The following FRMD4A variants were observed in gnomAD, a reference collection of about 807,000 sequenced individuals.
FRMD4A encodes FERM domain containing 4A.
A neutral mutation model predicts 129.1 loss-of-function variants in FRMD4A; 29 were observed. The observed-to-expected ratio is 0.22, with a 90% CI of 0.17 to 0.31. The LOEUF is 0.31. Among genes scored for constraint, FRMD4A ranks in the 10% least tolerant of loss-of-function variants. The pLI is 1.00. For synonymous variants in FRMD4A, 634 were observed against 571.6 expected (o/e 1.11, Z -1.56); for missense variants, 1,272 against 1,375.8 (o/e 0.92, Z 1.19).
At chr10:13,793,463 T>A (rs1204106643) in intron 5 of FRMD4A, among the ~76,000 whole-genome samples, 2 of 152,168 alleles carry the variant, frequency 1.3e-5, no homozygotes, top group Non-Finnish European at 2.9e-5. Flanking sequence ...ATGCCCAGCC[T>A]ACCATGGCCC....
In FRMD4A at chr10:13,858,889, T is replaced by C. The variant is rs1356369978; in HGVS notation, c.69A>G (p.Gln23=). The change falls in exon 3 of 25, where the codon CAA becomes CAG. Residue 23 remains glutamine, a synonymous_variant. Coordinates refer to ENST00000357447, the MANE Select transcript of FRMD4A (RefSeq NM_018027.5). ...GCTTCCTGTCATCAAGAAGATGTAC[T>C]TGACATCGGCGGCCCTCCGTCATCT... ...LLMMTEGRRC[Q]VHLLDDRKLE... The C allele has an allele frequency of 3.7e-6, 6 of 1,605,402 alleles. No individual in the cohort carries two copies. The highest frequency in any genetic ancestry group is 5.1e-6 in the Non-Finnish European group (6 of 1,171,992).
At chr10:14,117,271 T>A (rs922386544) in intron 2 of FRMD4A, among the ~76,000 whole-genome samples, 11 of 152,236 alleles carry the variant, frequency 7.2e-5, no homozygotes. Flanking sequence ...GAGCCTAGCA[T>A]GTGACAGGCA....
intron 2 of FRMD4A, among the ~76,000 whole-genome samples, chr10:13,930,855 C>T (rs529738089): frequency 8.6e-5 from 13 of 151,860 alleles, no homozygotes; most frequent in Non-Finnish European, 1.6e-4. Flanking sequence ...TTTTTTAAGT[C>T]GGTGTCTTGC....
intron 2 of FRMD4A, among the ~76,000 whole-genome samples, chr10:13,987,089 C>T (rs535008883): frequency 5.3e-5 from 8 of 152,202 alleles, no homozygotes; most frequent in South Asian, 2.1e-4. Flanking sequence ...GATCTAGGCT[C>T]GTAGCTCAAC....
At chr10:14,077,129 A>G (rs11258852) in intron 2 of FRMD4A, among the ~76,000 whole-genome samples, 79,407 of 151,996 alleles carry the variant, frequency 0.52, 21,458 homozygotes, top group African/African-American at 0.67. Flanking sequence ...GTGAGGAGAC[A>G]CCAGAAATCC....
chr10:13,799,451 C>T (rs1046709253), intron 4 of FRMD4A, among the ~76,000 whole-genome samples: 1 of 152,238 alleles, frequency 6.6e-6, no homozygotes, highest in Non-Finnish European at 1.5e-5. Context: ...AATGACTGTG[C>T]CCAGCACCAG....
chr10:13,702,012 CAGG>C (rs1289180060), intron 13 of FRMD4A, among the ~76,000 whole-genome samples: 6 of 152,144 alleles, frequency 3.9e-5, no homozygotes, highest in Admixed American at 2.6e-4. Context: ...TATAAAGAAT[CAGG>C]AGAAGAAAGG....
At chr10:13,828,812 G>A (rs143450840) in intron 3 of FRMD4A, among the ~76,000 whole-genome samples, 11 of 152,164 alleles carry the variant, frequency 7.2e-5, no homozygotes, top group Admixed American at 1.3e-4. Context: ...GATTACAGGC[G>A]TGAGCCACTG....
intron 2 of FRMD4A, among the ~76,000 whole-genome samples, chr10:14,304,169 G>A (rs974288567): frequency 3.9e-5 from 6 of 152,144 alleles, no homozygotes; most frequent in South Asian, 4.1e-4. Context: ...TTGCTGGATC[G>A]TATGGTAATT....
chr10:14,127,692 C>T (rs1838922132), intron 2 of FRMD4A, among the ~76,000 whole-genome samples: 3 of 152,156 alleles, frequency 2.0e-5, no homozygotes, highest in African/African-American at 7.2e-5. Flanking sequence ...CTGACTATAT[C>T]CCCACTGAAC....
intron 3 of FRMD4A, among the ~76,000 whole-genome samples, chr10:13,816,305 C>T (rs2093541590): frequency 6.6e-6 from 1 of 152,222 alleles, no homozygotes; most frequent in South Asian, 2.1e-4. Context: ...TAAAGCCACA[C>T]ACATTTTTTC....
chr10:13,681,940 C>T (rs946322779), intron 15 of FRMD4A, among the ~76,000 whole-genome samples: 35 of 152,104 alleles, frequency 2.3e-4, no homozygotes, highest in Non-Finnish European at 3.7e-4. Context: ...AAAAGTGAGG[C>T]TGGGGTGGTG....
chr10:14,084,759 C>T (rs1446048357), intron 2 of FRMD4A, among the ~76,000 whole-genome samples: 1 of 152,302 alleles, frequency 6.6e-6, no homozygotes, highest in Middle Eastern at 3.4e-3. Flanking sequence ...CCAGAGCCCA[C>T]GGGACATATT....
chr10:13,932,421 C>A (rs2095209273), intron 2 of FRMD4A, among the ~76,000 whole-genome samples: 1 of 152,164 alleles, frequency 6.6e-6, no homozygotes. Context: ...TGGACAAACT[C>A]CAGGTTTCCA....
chr10:14,215,986 CT>C (rs1387208753), intron 2 of FRMD4A, among the ~76,000 whole-genome samples: 2 of 152,156 alleles, frequency 1.3e-5, no homozygotes, highest in East Asian at 3.9e-4. Context: ...TTGTTTTCCT[CT>C]TGAAAATCCT....
intron 2 of FRMD4A, among the ~76,000 whole-genome samples, chr10:14,172,528 C>T (rs900615357): frequency 6.6e-6 from 1 of 152,162 alleles, no homozygotes; most frequent in Non-Finnish European, 1.5e-5. Context: ...GAGTTGTACT[C>T]GCGTGAGGTT....
intron 9 of FRMD4A, among the ~76,000 whole-genome samples, chr10:13,745,202 A>C (rs916204577): frequency 2.0e-5 from 3 of 152,222 alleles, no homozygotes; most frequent in Non-Finnish European, 2.9e-5. Flanking sequence ...ATTATGTATC[A>C]ATAAGAATCA....
intron 2 of FRMD4A, among the ~76,000 whole-genome samples, chr10:14,129,895 C>T (rs1839149354): frequency 2.0e-5 from 3 of 152,198 alleles, no homozygotes; most frequent in Non-Finnish European, 4.4e-5. Flanking sequence ...CTGTGGGCAC[C>T]TGGCACCTGG....
Position 13,810,803 on chromosome 10 carries a change from G to C in FRMD4A, c.206+11C>G, listed in dbSNP as rs1390552231. The C allele has an allele frequency of 2.1e-6, 3 of 1,408,978 alleles. No homozygotes were observed. The Admixed American group carries it at 5.1e-5, about 24-fold the overall frequency. 87.3% of individuals were successfully genotyped at this position (1,408,978 alleles called of 1,614,324 possible). On this transcript the variant is annotated intron_variant, in intron 4 of 24. Transcript: ENST00000357447. ...TCCCTTCGGGCTGTGAGGGCTCAAG[G>C]CAGTACTTACGTTTCATCTGTGAAT...
Sources: gnomAD v4.1 joint callset for allele counts (sites outside exome capture counted in the v4.1 genomes callset) on GRCh38, gnomAD v4.1.1 for gene constraint, MANE v1.5 for transcripts, NCBI Gene and HGNC (gene_info 2026-07-23, HGNC 2026-07-21) for gene names.